PUDP: variants seen among roughly 807,000 people sequenced by gnomAD.
PUDP encodes the protein pseudouridine-5'-phosphatase.
Under a neutral mutation model 9.4 loss-of-function variants are expected in PUDP, and 8 were observed. The ratio of observed to expected loss-of-function variants is 0.85; its 90% CI spans 0.50 to 1.53. The LOEUF (loss-of-function observed/expected upper bound fraction) is 1.53. Ranked by LOEUF, PUDP falls within the 40% of genes most tolerant of loss-of-function variation. The pLI is 0.00. For synonymous variants in PUDP, 99 were observed against 80.7 expected (o/e 1.23, Z -1.22); for missense variants, 188 against 189.7 (o/e 0.99, Z 0.05).
At chrX:6,738,486 G>A (rs958343672) in intron 3 of PUDP, among the ~76,000 whole-genome samples, 3 of 111,671 alleles carry the variant, frequency 2.7e-5, no homozygotes, top group South Asian at 3.8e-4. Context: ...GTCTCCAAGC[G>A]TGGAATCCAG....
chrX:6,773,290 C>T (rs1884610310), intron 3 of PUDP, among the ~76,000 whole-genome samples: 1 of 112,052 alleles, frequency 8.9e-6, no homozygotes, highest in Admixed American at 9.5e-5. Context: ...CACATTTTCT[C>T]TTGCTTTGTG....
At chrX:7,077,475 G>A (rs888374482) in intron 2 of PUDP, 26 bp from the exon 3 acceptor site, 9 of 1,137,725 alleles carry the variant, frequency 7.9e-6, no homozygotes, top group Non-Finnish European at 1.1e-5. Flanking sequence ...GAAGGACTGA[G>A]GTGAGGGGCG....
intron 3 of PUDP, among the ~76,000 whole-genome samples, chrX:6,938,833 G>C (rs1236740556): frequency 7.9e-5 from 8 of 101,672 alleles, no homozygotes; most frequent in South Asian, 4.7e-4. Context: ...AAGCTAAGAG[G>C]TATGAAGGCG....
chrX:6,868,333 G>A (rs1180328904), intron 3 of PUDP, among the ~76,000 whole-genome samples: 1 of 112,144 alleles, frequency 8.9e-6, no homozygotes, highest in Non-Finnish European at 1.9e-5. Context: ...AGATCTCAAA[G>A]CTGAGTGGCC....
At chrX:7,127,855 A>C (rs1281810808) in intron 1 of PUDP, among the ~76,000 whole-genome samples, 2 of 112,553 alleles carry the variant, frequency 1.8e-5, no homozygotes, top group African/African-American at 6.5e-5. Flanking sequence ...TATTATGTTT[A>C]AGATGATTAT....
At chrX:7,027,387 T>G (rs1307519717) in intron 1 of PUDP, among the ~76,000 whole-genome samples, 1 of 110,501 alleles carries the variant, frequency 9.0e-6, no homozygotes, top group East Asian at 2.8e-4. Context: ...TCTTCTAATA[T>G]TTCTCTGATT....
intron 3 of PUDP, among the ~76,000 whole-genome samples, chrX:6,772,269 T>C (rs992635035): frequency 2.7e-5 from 3 of 111,438 alleles, no homozygotes; most frequent in Non-Finnish European, 5.6e-5. Context: ...CTGGAAATTC[T>C]TTTTTTTCCT....
chrX:6,727,674 T>C (rs755737826), intron 3 of PUDP, among the ~76,000 whole-genome samples: 1 of 111,664 alleles, frequency 9.0e-6, no homozygotes, highest in Non-Finnish European at 1.9e-5. Flanking sequence ...GGCCAACCTA[T>C]TTTTATATCC....
intron 3 of PUDP, among the ~76,000 whole-genome samples, chrX:6,844,824 T>C (rs993577006): frequency 2.7e-5 from 3 of 112,258 alleles, no homozygotes; most frequent in African/African-American, 9.7e-5. Context: ...GGGGAATGGA[T>C]GGGTAACTCC....
chrX:6,963,464 T>C (rs746259192), intron 3 of PUDP, among the ~76,000 whole-genome samples: 1 of 111,406 alleles, frequency 9.0e-6, no homozygotes, highest in Non-Finnish European at 1.9e-5. Context: ...CCACTCTAAC[T>C]CCAGGCAGAC....
intron 3 of PUDP, among the ~76,000 whole-genome samples, chrX:6,882,482 T>G (rs1392004505): frequency 9.0e-6 from 1 of 111,691 alleles, no homozygotes; most frequent in Non-Finnish European, 1.9e-5. Flanking sequence ...AGAAGAACCA[T>G]ATGAAAATGA....
At chrX:6,821,772 A>G (rs1926346223) in intron 3 of PUDP, among the ~76,000 whole-genome samples, 1 of 112,402 alleles carries the variant, frequency 8.9e-6, no homozygotes. Flanking sequence ...GCCGGCAGCC[A>G]TGCCAATACA....
At chrX:7,014,501 T>C (rs1929521207) in intron 1 of PUDP, among the ~76,000 whole-genome samples, 1 of 111,418 alleles carries the variant, frequency 9.0e-6, no homozygotes, top group African/African-American at 3.3e-5. Context: ...CAATAGAATC[T>C]TTTGGTAGGG....
At chrX:7,070,160 T>C (rs1174415481) in intron 3 of PUDP, among the ~76,000 whole-genome samples, 1 of 112,135 alleles carries the variant, frequency 8.9e-6, no homozygotes, top group Non-Finnish European at 1.9e-5. Flanking sequence ...GCAAGTGCCC[T>C]CGTGCCAGGA....
intron 3 of PUDP, among the ~76,000 whole-genome samples, chrX:6,960,388 C>T (rs1401870397): frequency 8.9e-6 from 1 of 111,840 alleles, no homozygotes; most frequent in East Asian, 2.8e-4. Context: ...TCCGCCTCCT[C>T]GTTCTCTCTC....
chrX:6,908,851 G>C (rs897160784), intron 3 of PUDP, among the ~76,000 whole-genome samples: 3 of 111,908 alleles, frequency 2.7e-5, no homozygotes, highest in African/African-American at 9.7e-5. Context: ...AGATTATCTA[G>C]GGAGATTCCT....
chrX:6,851,257 T>C lies in PUDP; in HGVS notation c.*247+125876A>G, dbSNP rs193240048. On this transcript the variant is annotated intron_variant and NMD_transcript_variant, in intron 3 of 3. Transcript: ENST00000655425. The stretch of plus-strand genomic sequence containing the variant: ...GAAAATCCAATCACTTTTCAAGCAA[T>C]GATACAATGCCAGATGTTAAAATTT... Among the ~76,000 whole-genome samples the C allele has an allele frequency of 3.6e-3, 403 of 112,393 alleles. 2 individuals carry two copies. Among genetic ancestry groups the C allele is most frequent in the Non-Finnish European group, 5.6e-3 (296 of 53,270 alleles).
rs746851286 is a variant in PUDP, at chrX:7,116,324, G to A, written c.62-10486C>T. ...GTGGAAACTCTGTAGGCATGCCTGA[G>A]ACAATCAAGTCCCTTAAAGGAGATA... On this transcript the variant is annotated intron_variant, in intron 1 of 3. Coordinates refer to ENST00000381077, the MANE Select transcript of PUDP (RefSeq NM_012080.5). Among the ~76,000 whole-genome samples, 5 of 111,629 alleles carry A rather than the reference G, an allele frequency of 4.5e-5. No individual in the cohort carries two copies. The Admixed American group carries it at 4.7e-4, about 11-fold the overall frequency.
intron 3 of PUDP, among the ~76,000 whole-genome samples, chrX:6,895,692 T>C (rs931325741): frequency 4.5e-5 from 5 of 111,167 alleles, no homozygotes; most frequent in Non-Finnish European, 9.4e-5. Flanking sequence ...AAATAAAAAG[T>C]AGATCAAATA....
Sources: allele counts gnomAD v4.1 joint callset (sites outside exome capture counted in the v4.1 genomes callset), GRCh38; gene constraint gnomAD v4.1.1; transcripts MANE v1.5; gene names NCBI Gene and HGNC (gene_info 2026-07-23, HGNC 2026-07-21).